Variants in SGCZ observed in about 807,000 individuals in gnomAD.
The protein encoded by SGCZ is zeta-sarcoglycan.
SGCZ carries 40 observed loss-of-function variants against 41.3 expected under a neutral mutation model. The observed-to-expected ratio is 0.97, with a 90% CI of 0.75 to 1.26. The LOEUF is 1.26. Ranked by LOEUF, SGCZ falls within the 50% of genes most tolerant of loss-of-function variation. SGCZ has a pLI of 0.00. For missense variants in SGCZ, 552 were observed against 369.8 expected, an observed-to-expected ratio of 1.49 and a Z score of -4.04; for synonymous variants, 206 against 137.5, an observed-to-expected ratio of 1.50 and a Z score of -3.49.
At chr8:14,515,568 A>T (rs1033341508) in intron 2 of SGCZ, among the ~76,000 whole-genome samples, 8 of 149,658 alleles carry the variant, frequency 5.3e-5, no homozygotes, top group Non-Finnish European at 1.2e-4. Flanking sequence ...TCTTGTTAAT[A>T]CTTTTTAGTT....
chr8:15,127,291 T>G (rs534997830), intron 1 of SGCZ, among the ~76,000 whole-genome samples: 1 of 149,764 alleles, frequency 6.7e-6, no homozygotes, highest in Non-Finnish European at 1.5e-5. Flanking sequence ...CACACACATA[T>G]ACATACATGG....
At chr8:14,202,295 G>C (rs151189933) in intron 4 of SGCZ, among the ~76,000 whole-genome samples, 4 of 152,260 alleles carry the variant, frequency 2.6e-5, no homozygotes, top group Admixed American at 6.5e-5. Context: ...AAAAAAGTTT[G>C]TCCTCCACAA....
chr8:15,031,350 A>G (rs949849546), intron 1 of SGCZ, among the ~76,000 whole-genome samples: 3 of 152,156 alleles, frequency 2.0e-5, no homozygotes, highest in African/African-American at 7.2e-5. Flanking sequence ...TTTGACTAGT[A>G]GTGTCTGCCA....
intron 1 of SGCZ, among the ~76,000 whole-genome samples, chr8:14,562,975 G>C (rs1454185504): frequency 6.6e-6 from 1 of 152,194 alleles, no homozygotes; most frequent in East Asian, 1.9e-4. Context: ...GAGTAGTATA[G>C]ACAGGTAATA....
intron 5 of SGCZ, among the ~76,000 whole-genome samples, chr8:14,144,152 C>T (rs557473435): frequency 2.6e-5 from 4 of 152,214 alleles, no homozygotes; most frequent in East Asian, 1.9e-4. Flanking sequence ...AGACAACAGC[C>T]GGGACAGCCA....
intron 1 of SGCZ, among the ~76,000 whole-genome samples, chr8:14,761,714 CAG>C (rs1342318022): frequency 1.3e-5 from 2 of 151,714 alleles, no homozygotes; most frequent in Non-Finnish European, 2.9e-5. Flanking sequence ...TTAGTAGAGA[CAG>C]AGTTTCACCA....
At chr8:15,073,079 C>T (rs533039914) in intron 1 of SGCZ, among the ~76,000 whole-genome samples, 68 of 152,186 alleles carry the variant, frequency 4.5e-4, no homozygotes, top group African/African-American at 1.4e-3. Flanking sequence ...CTGATCACAG[C>T]TCATGTCAGC....
chr8:15,216,718 A>C (rs989644653), intron 1 of SGCZ, among the ~76,000 whole-genome samples: 5 of 152,182 alleles, frequency 3.3e-5, no homozygotes, highest in Admixed American at 6.5e-5. Flanking sequence ...CAAGTATTTT[A>C]AAGAAATACA....
At chr8:14,800,024 A>T (rs1260715492) in intron 1 of SGCZ, among the ~76,000 whole-genome samples, 5 of 152,232 alleles carry the variant, frequency 3.3e-5, no homozygotes, top group African/African-American at 1.2e-4. Context: ...TTGGTAAACC[A>T]CTGTTTTGCA....
chr8:15,124,416 G>A (rs1276987936), intron 1 of SGCZ, among the ~76,000 whole-genome samples: 1 of 152,166 alleles, frequency 6.6e-6, no homozygotes, highest in African/African-American at 2.4e-5. Context: ...ACCTGATGAT[G>A]GGGCAAAACT....
chr8:15,092,661 T>C (rs1354813549), intron 1 of SGCZ, among the ~76,000 whole-genome samples: 1 of 152,232 alleles, frequency 6.6e-6, no homozygotes, highest in Non-Finnish European at 1.5e-5. Context: ...GGTGATCTTC[T>C]TAATATGACT....
chr8:14,988,623 G>T (rs1801905496), intron 1 of SGCZ, among the ~76,000 whole-genome samples: 1 of 151,696 alleles, frequency 6.6e-6, no homozygotes, highest in Admixed American at 6.6e-5. Context: ...CATTTTCAAT[G>T]CAGTACAACA....
intron 1 of SGCZ, among the ~76,000 whole-genome samples, chr8:14,958,270 T>G (rs571601625): frequency 1.3e-5 from 2 of 152,158 alleles, no homozygotes; most frequent in African/African-American, 4.8e-5. Flanking sequence ...AAAATATGTA[T>G]CCATAAAAAA....
chr8:14,324,461 C>G (rs116669876), intron 2 of SGCZ, among the ~76,000 whole-genome samples: 4 of 152,058 alleles, frequency 2.6e-5, no homozygotes, highest in Admixed American at 6.6e-5. Context: ...GATTTGCCCA[C>G]GAATAAATCC....
chr8:15,155,547 T>C (rs13276040), intron 1 of SGCZ, among the ~76,000 whole-genome samples: 32,210 of 152,076 alleles, frequency 0.21, 3,780 homozygotes, highest in East Asian at 0.47. Flanking sequence ...GAGCAATGTA[T>C]ACGAAACCAG....
At chr8:14,169,198 T>C (rs1376667753) in intron 4 of SGCZ, among the ~76,000 whole-genome samples, 2 of 152,178 alleles carry the variant, frequency 1.3e-5, no homozygotes, top group Non-Finnish European at 2.9e-5. Flanking sequence ...GGGGGAACTT[T>C]TTTGCTAATG....
chr8:14,427,344 A>G (rs148572133), intron 2 of SGCZ, among the ~76,000 whole-genome samples: 1 of 152,288 alleles, frequency 6.6e-6, no homozygotes, highest in East Asian at 1.9e-4. Flanking sequence ...AGGGAAAAAC[A>G]AAATAAAACA....
intron 1 of SGCZ, among the ~76,000 whole-genome samples, chr8:14,812,287 C>T (rs1388776653): frequency 1.3e-5 from 2 of 151,974 alleles, no homozygotes; most frequent in African/African-American, 4.8e-5. Context: ...GAATTGGCAT[C>T]TACAGAATAT....
chr8:14,560,006 G>T (rs184331691), intron 1 of SGCZ, among the ~76,000 whole-genome samples: 1 of 151,988 alleles, frequency 6.6e-6, no homozygotes, highest in Admixed American at 6.6e-5. Flanking sequence ...GAGGAATTTG[G>T]TAGAAATTTC....
Sources: allele counts gnomAD v4.1 joint callset (sites outside exome capture counted in the v4.1 genomes callset), GRCh38; gene constraint gnomAD v4.1.1; transcripts MANE v1.5; gene names NCBI Gene and HGNC (gene_info 2026-07-23, HGNC 2026-07-21).